SRCAP: variants seen among roughly 807,000 people sequenced by gnomAD.
The protein encoded by SRCAP is Snf2 related CREBBP activator protein.
In SRCAP, 46 loss-of-function variants were observed where a neutral mutation model predicts 263.1. The observed-to-expected ratio is 0.17, with a 90% CI of 0.14 to 0.22. SRCAP has a LOEUF of 0.22. Among genes scored for constraint, SRCAP ranks in the 10% least tolerant of loss-of-function variants. The probability of loss-of-function intolerance (pLI) is 1.00; values close to 1 mark genes in which losing one functional copy is unlikely to be tolerated. For missense variants in SRCAP, 3,695 were observed against 4,181.9 expected (o/e 0.88, Z 3.21); for synonymous variants, 1,813 against 1,662.1 (o/e 1.09, Z -2.21).
At chr16:30,705,642 G>A (rs549540605) in intron 4 of SRCAP, among the ~76,000 whole-genome samples, 3 of 151,042 alleles carry the variant, frequency 2.0e-5, no homozygotes, top group Admixed American at 1.3e-4. Flanking sequence ...CTTGTGATCT[G>A]CCAGCCTCGG....
intron 4 of SRCAP, among the ~76,000 whole-genome samples, chr16:30,706,737 T>C (rs1485846716): frequency 6.6e-6 from 1 of 152,186 alleles, no homozygotes; most frequent in African/African-American, 2.4e-5. Flanking sequence ...TCTGAGTAAG[T>C]AGAATTCTAC....
At position 30,713,188 on chromosome 16, in the gene SRCAP, T is replaced by C; in HGVS notation, c.2131-20T>C. Reference sequence around the variant, plus strand: ...TCTTTTCATCCCACTATCTGCTACTTTCTGTCTTTGATCCCTCAGGGCTGG... The same window carrying C: ...TCTTTTCATCCCACTATCTGCTACTCTCTGTCTTTGATCCCTCAGGGCTGG... On this transcript the variant is annotated intron_variant, in intron 14 of 33. Coordinates refer to ENST00000262518, the MANE Select transcript of SRCAP (RefSeq NM_006662.3). 6.2e-7 allele frequency: 1 copy of C among 1,611,644 alleles called. No homozygotes were observed. Among genetic ancestry groups the C allele is most frequent in the Non-Finnish European group, 8.5e-7 (1 of 1,178,226 alleles).
intron 25 of SRCAP, among the ~76,000 whole-genome samples, chr16:30,726,522 CTTT>C (rs869052611): frequency 7.1e-6 from 1 of 141,096 alleles, no homozygotes. Context: ...TGAGCCAATA[CTTT>C]TTTTTTTTTT....
chr16:30,725,077 T>TAA lies in SRCAP; in HGVS notation c.5654_5655insAA (p.Tyr1885Ter). Reference protein sequence around the residue: ...QPPPPPRSPFYLDSLEEKRKR... With the variant: ...QPPPPPRSPF ...CCCCCCACCACCTCGTTCCCCTTTT[T>TAA]ATCTGGTAAGTTTTACTTCCTCAAG... The change falls in exon 25 of 34, where the codon TAT becomes TAAAT. Residue 1885 changes from tyrosine to a stop codon, truncating the protein, a stop_gained and frameshift_variant. Coordinates refer to ENST00000262518, the MANE Select transcript of SRCAP (RefSeq NM_006662.3). LOFTEE classifies it high-confidence loss of function. 1 of 1,607,910 alleles carries TAA rather than the reference T, an allele frequency of 6.2e-7. No individual in the cohort carries two copies.
At position 30,724,436 on chromosome 16, in the gene SRCAP, C is replaced by T. The variant is rs745331225; in HGVS notation, c.5012C>T (p.Pro1671Leu). 4 of 1,614,212 alleles carry T rather than the reference C, an allele frequency of 2.5e-6. No homozygotes were observed. The highest frequency in any genetic ancestry group is 2.7e-5 in the African/African-American group (2 of 75,044). The change falls in exon 25 of 34, where the codon CCT becomes CTT. Residue 1671 changes from proline to leucine, a missense_variant. Coordinates refer to ENST00000262518, the MANE Select transcript of SRCAP (RefSeq NM_006662.3). ...ATGCTACCAGCCCCGGTTCCGTCACCTCTCCCGAGCCCGGCTTCTACGCAG... is the reference window on the plus strand; with the variant it reads ...ATGCTACCAGCCCCGGTTCCGTCACTTCTCCCGAGCCCGGCTTCTACGCAG... ...QTMLPAPVPS[P>L]LPSPASTQTL...
Position 30,700,666 on chromosome 16 carries a change from C to T in SRCAP, c.-159C>T, listed in dbSNP as rs1555462893. ...GCGGAGGCTGGGACGCCCTGGTGGG[C>T]CCCGGGCCCTGGAAGGCGGGTCCCG... On this transcript the variant is annotated 5_prime_UTR_variant, in exon 3 of 34. Transcript: ENST00000262518. 6 of 604,638 alleles carry T rather than the reference C, an allele frequency of 9.9e-6. No homozygotes were observed. Among genetic ancestry groups the T allele is most frequent in the South Asian group, 9.0e-5 (4 of 44,644 alleles). 37.5% of individuals were successfully genotyped at this position (604,638 alleles called of 1,614,324 possible). A position where few individuals can be genotyped will look rare whatever the true frequency, so the allele number is the denominator to read the frequency against.
At position 30,720,128 on chromosome 16, in the gene SRCAP, C is replaced by G. The variant is rs776200045; in HGVS notation, c.2818-34C>G. On this transcript the variant is annotated intron_variant, in intron 18 of 33. Transcript: ENST00000262518. The stretch of plus-strand genomic sequence containing the variant: ...GCGTTGCAAAGGATGTGATTTTGTT[C>G]TTCTTTATGACTGTGCTTTCTTTCT... 3.0e-5 allele frequency: 47 copies of G among 1,584,788 alleles called. No homozygotes were observed. The East Asian group carries it at 1.1e-3, about 36-fold the overall frequency.
rs760607566 is a variant in SRCAP at position 30,737,511 on chromosome 16, A to G, written c.7471A>G (p.Ile2491Val). 6.9e-6 allele frequency: 11 copies of G among 1,601,678 alleles called. No homozygotes were observed. In the South Asian group the frequency reaches 9.9e-5, roughly 14 times the overall value. ...GCCTTCTCCTCCCCCTCCTTCACAGATTCCTCCTTGTTCTTCTCCTGCCTG... is the reference window on the plus strand; with the variant it reads ...GCCTTCTCCTCCCCCTCCTTCACAGGTTCCTCCTTGTTCTTCTCCTGCCTG... ...ILPSPPPPSQ[I>V]PPCSSPACTP... is the part of the protein sequence containing the mutation. Residue 2491 changes from isoleucine (I) to valine (V), a missense_variant, in exon 34 of 34, where the codon ATT becomes GTT. Around this residue, in one of 12 missense-constraint regions of SRCAP, gnomAD observed 1,207 missense variants for 1,142.9 expected, o/e 1.06. Transcript: ENST00000262518.
chr16:30,737,313 A>G lies in SRCAP; in HGVS notation c.7273A>G (p.Thr2425Ala). Residue 2425 changes from threonine (T) to alanine (A), a missense_variant, in exon 34 of 34, where the codon ACA becomes GCA. This residue lies in a region of SRCAP where 1,207 missense variants were observed against 1,142.9 expected (regional missense o/e 1.06). Coordinates refer to ENST00000262518, the MANE Select transcript of SRCAP (RefSeq NM_006662.3). ...CGCCCATCAAACTCGCAGCACCACC[A>G]CACCACCCCGCTGCAGTCCTGCCAG... ...ISAHQTRSTT[T>A]PPRCSPARER... 1.2e-6 allele frequency: 2 copies of G among 1,613,960 alleles called. No homozygotes were observed. Among genetic ancestry groups the G allele is most frequent in the Non-Finnish European group, 1.7e-6 (2 of 1,179,992 alleles).
At position 30,704,053 on chromosome 16, in the gene SRCAP, C is replaced by T; in HGVS notation, c.55-11C>T. The stretch of plus-strand genomic sequence containing the variant: ...AGCATTTATTTTCTCCATCATTTTC[C>T]TCTTTTCTAGATGGTGTCGGACGGC... On this transcript the variant is annotated splice_polypyrimidine_tract_variant and intron_variant, in intron 3 of 33. Coordinates refer to ENST00000262518, the MANE Select transcript of SRCAP (RefSeq NM_006662.3). The T allele has an allele frequency of 1.2e-6, 2 of 1,602,062 alleles. No homozygotes were observed. The highest frequency in any genetic ancestry group is 1.7e-6 in the Non-Finnish European group (2 of 1,172,258).
chr16:30,713,062 C>G (rs1165869049), intron 14 of SRCAP, 146 bp from the exon 15 acceptor site: 1 of 1,007,280 alleles, frequency 9.9e-7, no homozygotes, highest in Non-Finnish European at 1.5e-6. Context: ...ACCCAGGCCC[C>G]TCCTCTTTCT....
At chr16:30,715,137 A>G (rs1476584704) in intron 16 of SRCAP, among the ~76,000 whole-genome samples, 1 of 152,210 alleles carries the variant, frequency 6.6e-6, no homozygotes, top group African/African-American at 2.4e-5. Context: ...CTGTATTTAA[A>G]TTTCTGATTT....
In SRCAP at chr16:30,723,815, C is replaced by T. The variant is rs921407775; in HGVS notation, c.4391C>T (p.Thr1464Ile). 3.1e-6 allele frequency: 5 copies of T among 1,614,150 alleles called. No homozygotes were observed. The highest frequency in any genetic ancestry group is 4.2e-6 in the Non-Finnish European group (5 of 1,180,026). The change falls in exon 25 of 34, where the codon ACT becomes ATT. Residue 1464 changes from threonine (T) to isoleucine (I), a missense_variant. Thr to Ile is a moderately conservative substitution (Grantham distance 89). Transcript: ENST00000262518. Reference sequence around the variant, plus strand: ...ACCATCCCCATCTCAGCCCCCTTGACTGTTTCTGCTTCGGGCCCAGCTCTG... The same window carrying T: ...ACCATCCCCATCTCAGCCCCCTTGATTGTTTCTGCTTCGGGCCCAGCTCTG... Reference protein sequence around the residue: ...PLTIPISAPLTVSASGPALLT... With the variant: ...PLTIPISAPLIVSASGPALLT...
Position 30,737,322 on chromosome 16 carries a change from C to G in SRCAP, c.7282C>G (p.Arg2428Gly), listed in dbSNP as rs755641907. The G allele has an allele frequency of 1.9e-6, 3 of 1,614,022 alleles. No homozygotes were observed. Among genetic ancestry groups the G allele is most frequent in the Non-Finnish European group, 2.5e-6 (3 of 1,180,042 alleles). ...HQTRSTTTPP[R>G]CSPARERVPR... ...AACTCGCAGCACCACCACACCACCCCGCTGCAGTCCTGCCAGGGAGCGAGT... is the reference window on the plus strand; with the variant it reads ...AACTCGCAGCACCACCACACCACCCGGCTGCAGTCCTGCCAGGGAGCGAGT... The change falls in exon 34 of 34, where the codon CGC (arginine) becomes GGC (glycine). Residue 2428 changes from arginine to glycine, a missense_variant. Arg to Gly is a moderately radical substitution (Grantham distance 125, BLOSUM62 -2). Coordinates refer to ENST00000262518, the MANE Select transcript of SRCAP (RefSeq NM_006662.3).
At chr16:30,714,796 C>A (rs1379455206) in intron 16 of SRCAP, among the ~76,000 whole-genome samples, 1 of 152,108 alleles carries the variant, frequency 6.6e-6, no homozygotes, top group Non-Finnish European at 1.5e-5. Flanking sequence ...TGTGAGCCAC[C>A]GTTCCCAGCC....
chr16:30,721,580 G>A (rs1389410824), intron 21 of SRCAP, 104 bp downstream of exon 21: 2 of 1,444,094 alleles, frequency 1.4e-6, no homozygotes, highest in Admixed American at 4.5e-5. Flanking sequence ...GATGGCTCAT[G>A]CCTATAATCC....
At chr16:30,717,703 C>T (rs2052966398) in intron 18 of SRCAP, among the ~76,000 whole-genome samples, 1 of 149,216 alleles carries the variant, frequency 6.7e-6, no homozygotes, top group African/African-American at 2.5e-5. Flanking sequence ...ACCTCCGCCT[C>T]CCAAGTTCAA....
At chr16:30,708,472 C>T (rs2052851622) in intron 6 of SRCAP, among the ~76,000 whole-genome samples, 1 of 152,172 alleles carries the variant, frequency 6.6e-6, no homozygotes, top group South Asian at 2.1e-4. Flanking sequence ...TGGCTCACTG[C>T]AACCTCTGCC....
chr16:30,716,539 C>T (rs975543599), intron 18 of SRCAP, 60 bp downstream of exon 18: 2 of 1,491,524 alleles, frequency 1.3e-6, no homozygotes, highest in South Asian at 1.3e-5. Flanking sequence ...CAACCATGTA[C>T]CTCTTTTCGT....
Sources: allele counts gnomAD v4.1 joint callset (sites outside exome capture counted in the v4.1 genomes callset), GRCh38; gene constraint gnomAD v4.1.1; regional missense constraint gnomAD v4.1.1; transcripts MANE v1.5; gene names NCBI Gene and HGNC (gene_info 2026-07-23, HGNC 2026-07-21).